The following OAS1 variants were observed in gnomAD, a reference collection of about 807,000 sequenced individuals.
OAS1 encodes 2'-5'-oligoadenylate synthetase 1.
Under a neutral mutation model 38.5 loss-of-function variants are expected in OAS1, and 24 were observed. That is an observed-to-expected ratio of 0.62 (90% confidence interval 0.45 to 0.88). The LOEUF (loss-of-function observed/expected upper bound fraction) is 0.88, where lower values mean the gene tolerates loss of function less well. Ranked by LOEUF, OAS1 falls within the 40% of genes least tolerant of loss-of-function variation. OAS1 has a pLI of 0.00. For missense variants in OAS1, 482 were observed against 493.9 expected (o/e 0.98, Z 0.23); for synonymous variants, 169 against 193.9 (o/e 0.87, Z 1.07).
intron 6 of OAS1, among the ~76,000 whole-genome samples, chr12:112,925,889 A>G (rs1030738332): frequency 6.6e-6 from 1 of 152,228 alleles, no homozygotes; most frequent in African/African-American, 2.4e-5. Context: ...GATTTATGGC[A>G]GTACCTCACA....
At chr12:112,917,460 C>CTGCTATTT (rs780401861) in intron 4 of OAS1, 87 bp from the exon 5 acceptor site, 589 of 1,555,218 alleles carry the variant, frequency 3.8e-4, no homozygotes, top group Admixed American at 8.9e-4. Flanking sequence ...TCATCCCATG[C>CTGCTATTT]TGCTATTTTG....
At chr12:112,928,389 C>T (rs1057378759) in intron 6 of OAS1, among the ~76,000 whole-genome samples, 17 of 152,220 alleles carry the variant, frequency 1.1e-4, no homozygotes, top group African/African-American at 1.2e-4. Context: ...AAGAGATTTA[C>T]TCCTTCCAAG....
At chr12:112,925,708 C>T (rs545455032) in intron 6 of OAS1, among the ~76,000 whole-genome samples, 12 of 152,252 alleles carry the variant, frequency 7.9e-5, no homozygotes, top group African/African-American at 2.6e-4. Context: ...ATTCCTTGAG[C>T]CCACGAAGTC....
At chr12:112,907,976 A>G (rs1163414850) in intron 1 of OAS1, among the ~76,000 whole-genome samples, 1 of 152,180 alleles carries the variant, frequency 6.6e-6, no homozygotes, top group Non-Finnish European at 1.5e-5. Context: ...CCCTTACCTT[A>G]TGCAGCTGTG....
At position 112,919,591 on chromosome 12, in the gene OAS1, T is replaced by C; in HGVS notation, c.*38T>C. ...CTTGGGGGAAAGGGCTCCAGTGTTA[T>C]CTGGACCAGTTCCTTCATTTTCAGG... On this transcript the variant is annotated 3_prime_UTR_variant, in exon 6 of 6. Coordinates refer to ENST00000202917, the MANE Select transcript of OAS1 (RefSeq NM_016816.4). The C allele has an allele frequency of 6.2e-7, 1 of 1,614,144 alleles. No individual in the cohort carries two copies. Among genetic ancestry groups the C allele is most frequent in the Non-Finnish European group, 8.5e-7 (1 of 1,180,006 alleles).
At chr12:112,929,094 A>G (rs7306205) in intron 6 of OAS1, among the ~76,000 whole-genome samples, 113,190 of 152,152 alleles carry the variant, frequency 0.74, 43,396 homozygotes, top group African/African-American at 0.94. Flanking sequence ...GCCCTGTGAG[A>G]CAAGCCCCCA....
chr12:112,907,979 C>T (rs2043319331), intron 1 of OAS1, among the ~76,000 whole-genome samples: 1 of 152,202 alleles, frequency 6.6e-6, no homozygotes, highest in Non-Finnish European at 1.5e-5. Context: ...TTACCTTATG[C>T]AGCTGTGGGT....
chr12:112,923,785 C>CG (rs1368971265), downstream of OAS1, among the ~76,000 whole-genome samples: 6 of 152,150 alleles, frequency 3.9e-5, no homozygotes, highest in African/African-American at 1.4e-4. Context: ...TGATCTTTGA[C>CG]AAGATTGCCA....
intron 1 of OAS1, among the ~76,000 whole-genome samples, chr12:112,908,211 T>C (rs1447951237): frequency 1.3e-5 from 2 of 152,282 alleles, no homozygotes; most frequent in African/African-American, 4.8e-5. Context: ...CATAAGCTAG[T>C]CCTGGGCATC....
At chr12:112,915,112 T>A (rs1483390128) in intron 3 of OAS1, among the ~76,000 whole-genome samples, 1 of 152,180 alleles carries the variant, frequency 6.6e-6, no homozygotes, top group African/African-American at 2.4e-5. Context: ...TGCAGAAGCT[T>A]TTTAGTTTAA....
At chr12:112,926,332 C>T (rs545253041) in intron 6 of OAS1, among the ~76,000 whole-genome samples, 8 of 152,098 alleles carry the variant, frequency 5.3e-5, no homozygotes, top group African/African-American at 7.2e-5. Context: ...TTGAGGAGTA[C>T]GACATGATGC....
intron 6 of OAS1, among the ~76,000 whole-genome samples, chr12:112,927,240 G>A (rs2043565401): frequency 6.6e-6 from 1 of 152,176 alleles, no homozygotes; most frequent in Non-Finnish European, 1.5e-5. Context: ...GAAATTATGA[G>A]AGTATTGATT....
chr12:112,923,794 C>G (rs1322471777), downstream of OAS1, among the ~76,000 whole-genome samples: 2 of 152,124 alleles, frequency 1.3e-5, no homozygotes, highest in Non-Finnish European at 2.9e-5. Context: ...ACAAGATTGC[C>G]AAGAATACAC....
Position 112,916,579 on chromosome 12 carries a change from G to A in OAS1, c.725G>A (p.Arg242Gln), listed in dbSNP as rs56006713. The part of the protein sequence containing the change: ...LELLTVYAWE[R>Q]GSMKTHFNTA... ...CTCCTGACGGTCTATGCTTGGGAGC[G>A]AGGGAGCATGAAAACACATTTCAAC... The change falls in exon 4 of 6, where the codon CGA becomes CAA. Residue 242 changes from arginine to glutamine, a missense_variant. Physicochemically the swap from Arg to Gln is conservative, Grantham distance 43 (BLOSUM62 1). Transcript: ENST00000202917. 2.9e-3 allele frequency: 4,663 copies of A among 1,614,130 alleles called. 47 individuals carry two copies. The highest frequency in any genetic ancestry group is 0.025 in the African/African-American group (1,905 of 75,018).
At chr12:112,917,105 G>T in intron 4 of OAS1, 1 of 336,290 alleles carries the variant, frequency 3.0e-6, no homozygotes. Flanking sequence ...ACTAACACAT[G>T]CTAATATAAT....
At chr12:112,910,993 T>C in intron 2 of OAS1, 58 bp from the exon 3 acceptor site, 2 of 1,489,558 alleles carry the variant, frequency 1.3e-6, no homozygotes, top group Middle Eastern at 1.7e-4. Flanking sequence ...CCCCTCAGAG[T>C]GACTGAAGGA....
At position 112,919,459 on chromosome 12, in the gene OAS1, C is replaced by T; in HGVS notation, c.1109C>T (p.Thr370Ile). 1 of 1,614,134 alleles carries T rather than the reference C, an allele frequency of 6.2e-7. No homozygotes were observed. Among genetic ancestry groups the T allele is most frequent in the Non-Finnish European group, 8.5e-7 (1 of 1,179,952 alleles). ...RRYQKYGYIG[T>I]HEYPHFSHRP... ...TATCAGAAATATGGTTACATTGGAA[C>T]ACATGAGTACCCTCATTTCTCTCAT... Residue 370 changes from threonine to isoleucine, a missense_variant, in exon 6 of 6, where the codon ACA (threonine) becomes ATA (isoleucine). By Grantham distance (89) the Thr-to-Ile change is moderately conservative. Coordinates refer to ENST00000202917, the MANE Select transcript of OAS1 (RefSeq NM_016816.4).
intron 5 of OAS1, chr12:112,918,637 G>A (rs977887520): frequency 2.2e-6 from 1 of 455,850 alleles, no homozygotes; most frequent in South Asian, 1.5e-5. Flanking sequence ...CTTGCTCAAG[G>A]ACATCAGCTA....
chr12:112,932,142 C>G (rs537874274), exon 7 of OAS1: 5 of 489,554 alleles, frequency 1.0e-5, no homozygotes, highest in Non-Finnish European at 1.8e-5. Context: ...CTCCCTCCCT[C>G]TCTTCCTCCC....
Sources: gnomAD v4.1 joint callset for allele counts (sites outside exome capture counted in the v4.1 genomes callset) on GRCh38, gnomAD v4.1.1 for gene constraint, MANE v1.5 for transcripts, NCBI Gene and HGNC (gene_info 2026-07-23, HGNC 2026-07-21) for gene names.